The following CUL4B variants were observed in gnomAD, a reference collection of about 807,000 sequenced individuals.
CUL4B encodes the protein cullin 4B.
CUL4B carries 1 observed loss-of-function variant against 69.2 expected under a neutral mutation model. The observed-to-expected ratio is 0.01, with a 90% CI of 0.01 to 0.07. The LOEUF (loss-of-function observed/expected upper bound fraction) is 0.07. CUL4B is among the 10% of genes least tolerant of loss of function. CUL4B has a pLI of 1.00. For missense variants in CUL4B, 328 were observed against 638.8 expected (o/e 0.51, Z 5.24); for synonymous variants, 237 against 223.2 (o/e 1.06, Z -0.55).
intron 16 of CUL4B, 49 bp from the exon 17 acceptor site, chrX:120,534,635 G>T: frequency 1.2e-6 from 1 of 832,422 alleles, no homozygotes; most frequent in South Asian, 2.0e-5. Flanking sequence ...AAAAACACAT[G>T]AAAAATTAAT....
intron 2 of CUL4B, among the ~76,000 whole-genome samples, chrX:120,550,989 AACTAGGGGACTGG>A (rs1299126171): frequency 8.9e-6 from 1 of 111,889 alleles, no homozygotes; most frequent in Non-Finnish European, 1.9e-5. Flanking sequence ...AAAGAGAACT[AACTAGGGGACTGG>A]AGGATGGGGT....
At chrX:120,548,859 T>C (rs921471909) in intron 2 of CUL4B, among the ~76,000 whole-genome samples, 8 of 111,423 alleles carry the variant, frequency 7.2e-5, no homozygotes, top group East Asian at 2.8e-4. Flanking sequence ...AAAAAATAAA[T>C]AAAATTTGTA....
At position 120,525,078 on chromosome X, in the gene CUL4B, C is replaced by T. The variant is rs1922894405; in HGVS notation, c.*1683G>A. On this transcript the variant is annotated 3_prime_UTR_variant, in exon 20 of 20. Coordinates refer to ENST00000371322, the MANE Select transcript of CUL4B (RefSeq NM_001079872.2). ...CTCATATAAAGAAATCAGTGAGGAG[C>T]TGAGAAAATATAGGCAATGGCTGCT... 8.9e-6 allele frequency: 1 copy of T among 112,094 alleles called. No individual in the cohort carries two copies. Among genetic ancestry groups the T allele is most frequent in the African/African-American group, 3.2e-5 (1 of 30,790 alleles). The allele number at this position is 112,094 out of a possible 1,213,427, so 9.2% of individuals were successfully genotyped here. A position where few individuals can be genotyped will look rare whatever the true frequency, so the allele number is the denominator to read the frequency against.
At chrX:120,561,440 GT>G (rs769690134), upstream of CUL4B, 7 of 546,233 alleles carry the variant, frequency 1.3e-5, no homozygotes, top group Non-Finnish European at 6.7e-6. Context: ...CAGGACTTGA[GT>G]GGGGGGGGGA....
At chrX:120,556,723 G>A (rs1860841151) in intron 2 of CUL4B, among the ~76,000 whole-genome samples, 1 of 109,196 alleles carries the variant, frequency 9.2e-6, no homozygotes, top group Non-Finnish European at 1.9e-5. Context: ...CCTGGCCCAA[G>A]ATTATGAGGG....
At position 120,557,451 on chromosome X, in the gene CUL4B, C is replaced by T. The variant is rs781003238; in HGVS notation, c.672+473G>A. Reference sequence around the variant, plus strand: ...TCTGGGCTAAGGTGCGTCTTGTAGCCCAGGTATTAGAAAAATGTAAAGAGC... The same window carrying T: ...TCTGGGCTAAGGTGCGTCTTGTAGCTCAGGTATTAGAAAAATGTAAAGAGC... On this transcript the variant is annotated intron_variant, in intron 2 of 19. Coordinates refer to ENST00000371322, the MANE Select transcript of CUL4B (RefSeq NM_001079872.2). Among the ~76,000 whole-genome samples the T allele has an allele frequency of 1.3e-3, 148 of 111,126 alleles. 1 individual carries two copies. The highest frequency in any genetic ancestry group is 4.6e-3 in the African/African-American group (142 of 30,569).
chrX:120,553,180 C>T (rs970024171), intron 2 of CUL4B, among the ~76,000 whole-genome samples: 2 of 111,774 alleles, frequency 1.8e-5, no homozygotes, highest in Non-Finnish European at 3.8e-5. Flanking sequence ...TACTGATTAA[C>T]GATTCAGTAA....
intron 4 of CUL4B, among the ~76,000 whole-genome samples, chrX:120,546,219 G>A (rs192284668): frequency 1.7e-3 from 191 of 110,153 alleles, no homozygotes; most frequent in African/African-American, 6.0e-3. Flanking sequence ...ATTCAGAAAA[G>A]GAACTTGGGA....
At position 120,540,562 on chromosome X, in the gene CUL4B, C is replaced by A; in HGVS notation, c.1444G>T (p.Ala482Ser). ...LLQQWIEYIKAFGSTIVINPE... is the reference protein window; with the variant it reads ...LLQQWIEYIKSFGSTIVINPE... ...TTAATTACAATAGTGCTGCCAAATG[C>A]CTAAAACAAAAAATTACCACTTTTT... is the stretch of plus-strand genomic sequence containing the variant. Residue 482 changes from alanine to serine, a missense_variant and splice_region_variant, in exon 11 of 20, where the codon GCA becomes TCA. By Grantham distance (99) the Ala-to-Ser change is moderately conservative (BLOSUM62 1). Coordinates refer to ENST00000371322, the MANE Select transcript of CUL4B (RefSeq NM_001079872.2). 1 of 1,186,110 alleles carries A rather than the reference C, an allele frequency of 8.4e-7. No individual in the cohort carries two copies. Among genetic ancestry groups the A allele is most frequent in the Admixed American group, 2.2e-5 (1 of 44,814 alleles).
intron 2 of CUL4B, among the ~76,000 whole-genome samples, chrX:120,549,270 T>C (rs987434866): frequency 3.6e-5 from 4 of 112,251 alleles, no homozygotes; most frequent in Admixed American, 1.9e-4. Context: ...AAAAGAAAGC[T>C]TGGCAGAGCG....
chrX:120,545,804 C>T (rs746998481), intron 4 of CUL4B, among the ~76,000 whole-genome samples: 1 of 100,643 alleles, frequency 9.9e-6, no homozygotes, highest in Non-Finnish European at 2.0e-5. Context: ...ATTCTTCCTG[C>T]GCCACAGTGC....
chrX:120,559,394 C>T (rs1186757054), intron 1 of CUL4B, among the ~76,000 whole-genome samples: 2 of 112,147 alleles, frequency 1.8e-5, no homozygotes, highest in Admixed American at 1.9e-4. Context: ...AACAAATTTT[C>T]CTAAAAGCTG....
intron 2 of CUL4B, among the ~76,000 whole-genome samples, chrX:120,556,170 C>T (rs766807832): frequency 9.9e-5 from 11 of 110,908 alleles, no homozygotes; most frequent in African/African-American, 3.3e-4. Context: ...ATATAATACG[C>T]CAAAAGAGCC....
Position 120,538,715 on chromosome X carries a change from G to T in CUL4B, c.1797C>A (p.Val599=). ...YKKDLAKRLL[V]GKSASVDAEK... ...CAGCATCTACAGATGCACTCTTTCC[G>T]ACTAACAGGCGCTTGGCTAAATCTT... Residue 599 remains valine (V), a synonymous_variant, in exon 13 of 20, where the codon GTC becomes GTA. Transcript: ENST00000371322. 8.3e-7 allele frequency: 1 copy of T among 1,208,465 alleles called. No individual in the cohort carries two copies. Among genetic ancestry groups the T allele is most frequent in the Non-Finnish European group, 1.1e-6 (1 of 892,947 alleles).
chrX:120,528,732 A>T (rs1204699905), intron 19 of CUL4B, among the ~76,000 whole-genome samples: 1 of 111,496 alleles, frequency 9.0e-6, no homozygotes, highest in Non-Finnish European at 1.9e-5. Flanking sequence ...AAAAAAAACT[A>T]CATGAAATGG....
upstream of CUL4B, among the ~76,000 whole-genome samples, chrX:120,562,564 A>G (rs1035133272): frequency 4.5e-5 from 5 of 112,015 alleles, no homozygotes; most frequent in Admixed American, 1.9e-4. Flanking sequence ...ATATATACAA[A>G]GTGCTGTCAG....
intron 9 of CUL4B, among the ~76,000 whole-genome samples, chrX:120,542,310 T>G (rs1212257475): frequency 2.7e-5 from 3 of 111,819 alleles, no homozygotes; most frequent in Non-Finnish European, 5.6e-5. Context: ...AGGTCAAATT[T>G]AAATGAGGCT....
chrX:120,531,271 A>G (rs767705547), intron 18 of CUL4B, among the ~76,000 whole-genome samples: 1 of 108,092 alleles, frequency 9.3e-6, no homozygotes, highest in African/African-American at 3.4e-5. Flanking sequence ...GCAGTGAGCC[A>G]AGATCGTGCC....
At chrX:120,543,987 G>C in intron 7 of CUL4B, 127 bp downstream of exon 7, 1 of 573,031 alleles carries the variant, frequency 1.7e-6, no homozygotes, top group Non-Finnish European at 3.0e-6. Context: ...AGAAAAGAAA[G>C]GAGCACCTAA....
Sources: allele counts gnomAD v4.1 joint callset (sites outside exome capture counted in the v4.1 genomes callset), GRCh38; gene constraint gnomAD v4.1.1; transcripts MANE v1.5; gene names NCBI Gene and HGNC (gene_info 2026-07-23, HGNC 2026-07-21).